The following EXOC4 variants were observed in gnomAD, a reference collection of about 807,000 sequenced individuals.
EXOC4 encodes exocyst complex component 4.
Under a neutral mutation model 107.2 loss-of-function variants are expected in EXOC4, and 71 were observed. That is an observed-to-expected ratio of 0.66 (90% CI 0.55 to 0.81). The LOEUF (loss-of-function observed/expected upper bound fraction) is 0.81. EXOC4 is among the 30% of genes least tolerant of loss of function. The probability of loss-of-function intolerance (pLI) is 0.00; values close to 1 mark genes in which losing one functional copy is unlikely to be tolerated. For missense variants in EXOC4, 1,108 were observed against 1,189.6 expected (o/e 0.93, Z 1.01); for synonymous variants, 456 against 441.2 (o/e 1.03, Z -0.42).
intron 7 of EXOC4, among the ~76,000 whole-genome samples, chr7:133,427,937 C>T (rs1046756489): frequency 6.6e-6 from 1 of 152,130 alleles, no homozygotes; most frequent in Non-Finnish European, 1.5e-5. Context: ...TTCCTTATTA[C>T]AGAAAAAGAT....
At chr7:133,518,675 C>T (rs1799926172) in intron 9 of EXOC4, among the ~76,000 whole-genome samples, 1 of 152,138 alleles carries the variant, frequency 6.6e-6, no homozygotes. Context: ...AAAGGGTGGA[C>T]ATTCTAACAC....
At position 133,898,836 on chromosome 7, in the gene EXOC4, G is replaced by T. The variant is rs187108858; in HGVS notation, c.1871+3101G>T. On this transcript the variant is annotated intron_variant, in intron 12 of 17. Transcript: ENST00000253861. ...CTACCAAAAGTACAAAAATTAGCCA[G>T]GTGTGGTGGTGTATGCCTATAATCC... is the stretch of plus-strand genomic sequence containing the variant. 8.1e-3 allele frequency among the ~76,000 whole-genome samples: 1,227 copies of T among 150,900 alleles called. 26 individuals carry two copies. The highest frequency in any genetic ancestry group is 0.012 in the Non-Finnish European group (824 of 67,722).
intron 14 of EXOC4, among the ~76,000 whole-genome samples, chr7:133,952,677 T>C (rs1180199767): frequency 6.6e-6 from 1 of 152,170 alleles, no homozygotes; most frequent in Non-Finnish European, 1.5e-5. Context: ...CTTGGCAACC[T>C]CCATTCTACT....
intron 7 of EXOC4, among the ~76,000 whole-genome samples, chr7:133,389,895 C>CAA (rs34692720): frequency 0.043 from 5,543 of 129,384 alleles, 218 homozygotes; most frequent in African/African-American, 0.093. Context: ...GGCAGCAGGC[C>CAA]AAAAAAAAAA....
the EXOC4 span, among the ~76,000 whole-genome samples, chr7:134,079,422 T>A: frequency 6.6e-6 from 1 of 152,288 alleles, no homozygotes; most frequent in South Asian, 2.1e-4. Flanking sequence ...TTAAGTCATT[T>A]GCAAAAAGTT....
At chr7:133,568,143 T>C (rs1251193213) in intron 9 of EXOC4, among the ~76,000 whole-genome samples, 1 of 152,214 alleles carries the variant, frequency 6.6e-6, no homozygotes, top group Non-Finnish European at 1.5e-5. Flanking sequence ...TTTTCATATA[T>C]TGAAGAACTT....
At chr7:133,433,292 G>A (rs897925513) in intron 7 of EXOC4, among the ~76,000 whole-genome samples, 11 of 152,080 alleles carry the variant, frequency 7.2e-5, no homozygotes, top group African/African-American at 2.7e-4. Flanking sequence ...AGTCTGTTTC[G>A]TCATCCAATT....
intron 9 of EXOC4, among the ~76,000 whole-genome samples, chr7:133,526,754 G>C (rs924538378): frequency 1.3e-5 from 2 of 151,868 alleles, no homozygotes; most frequent in African/African-American, 4.8e-5. Context: ...GGCAGATCAC[G>C]AGGTCAAGAG....
chr7:134,008,538 T>C (rs887728651), intron 17 of EXOC4, among the ~76,000 whole-genome samples: 8 of 152,172 alleles, frequency 5.3e-5, no homozygotes, highest in African/African-American at 1.9e-4. Flanking sequence ...AGGAACCTAC[T>C]TCTCATTTCT....
chr7:133,645,044 C>G (rs1259752510), intron 10 of EXOC4, among the ~76,000 whole-genome samples: 3 of 151,190 alleles, frequency 2.0e-5, no homozygotes, highest in Admixed American at 6.6e-5. Flanking sequence ...TGAATTTCTG[C>G]TCATCCCTCA....
chr7:133,991,388 A>G (rs1010619107), intron 14 of EXOC4, among the ~76,000 whole-genome samples: 6 of 151,820 alleles, frequency 4.0e-5, no homozygotes, highest in Non-Finnish European at 8.8e-5. Flanking sequence ...AATTTGTTTC[A>G]TTATATATGT....
chr7:133,785,992 C>T (rs986767657), intron 10 of EXOC4, among the ~76,000 whole-genome samples: 14 of 152,146 alleles, frequency 9.2e-5, no homozygotes, highest in Non-Finnish European at 1.5e-4. Flanking sequence ...TGTTTTATTT[C>T]CTTGGTTTCA....
chr7:133,979,627 A>G (rs10243550), intron 14 of EXOC4, among the ~76,000 whole-genome samples: 2,627 of 152,104 alleles, frequency 0.017, 75 homozygotes, highest in African/African-American at 0.058. Context: ...CTCTACCAAA[A>G]ATACAAAAAA....
At chr7:133,387,698 A>C (rs1796758815) in intron 7 of EXOC4, among the ~76,000 whole-genome samples, 1 of 152,130 alleles carries the variant, frequency 6.6e-6, no homozygotes, top group Non-Finnish European at 1.5e-5. Context: ...TTCCTTTTTA[A>C]CATGTTCATG....
intron 9 of EXOC4, among the ~76,000 whole-genome samples, chr7:133,617,950 A>G (rs1802234917): frequency 6.6e-6 from 1 of 152,142 alleles, no homozygotes; most frequent in African/African-American, 2.4e-5. Flanking sequence ...GAATTGCTGT[A>G]GATAAAGATC....
At chr7:133,786,170 A>T (rs544441241) in intron 10 of EXOC4, among the ~76,000 whole-genome samples, 1 of 152,208 alleles carries the variant, frequency 6.6e-6, no homozygotes, top group African/African-American at 2.4e-5. Flanking sequence ...TGTCTCGTAG[A>T]ATCTAACCCT....
chr7:133,608,668 G>C (rs1269271898), intron 9 of EXOC4, among the ~76,000 whole-genome samples: 1 of 146,312 alleles, frequency 6.8e-6, no homozygotes, highest in Non-Finnish European at 1.5e-5. Context: ...TCCTGCCCCA[G>C]CTCCTGAGTA....
intron 9 of EXOC4, among the ~76,000 whole-genome samples, chr7:133,528,741 CAG>C (rs1054060044): frequency 2.6e-5 from 4 of 152,024 alleles, no homozygotes; most frequent in African/African-American, 9.7e-5. Context: ...AAAAAGTACT[CAG>C]AGCCAACACA....
Position 133,374,940 on chromosome 7 carries a change from C to A in EXOC4, c.1120C>A (p.Gln374Lys), listed in dbSNP as rs143199058. 58 of 1,613,994 alleles carry A rather than the reference C, an allele frequency of 3.6e-5. No homozygotes were observed. The African/African-American group carries it at 7.5e-4, about 21-fold the overall frequency. Residue 374 changes from glutamine (Q) to lysine (K), a missense_variant, in exon 7 of 18, where the codon CAG becomes AAG. By Grantham distance (53) the Gln-to-Lys change is moderately conservative (BLOSUM62 1). Coordinates refer to ENST00000253861, the MANE Select transcript of EXOC4 (RefSeq NM_021807.4). ...QDTVVTPLTQ[Q>K]EDIKLYDMAD... is the part of the protein sequence containing the mutation. ...CACTGTAGTGACTCCACTGACTCAG[C>A]AGGAAGATATCAAACTGTATGATAT... is the stretch of plus-strand genomic sequence containing the variant.
Sources: allele counts gnomAD v4.1 joint callset (sites outside exome capture counted in the v4.1 genomes callset), GRCh38; gene constraint gnomAD v4.1.1; transcripts MANE v1.5; gene names NCBI Gene and HGNC (gene_info 2026-07-23, HGNC 2026-07-21).